Variants in CNOT10 observed in about 807,000 individuals in gnomAD.
The protein encoded by CNOT10 is CCR4-NOT transcription complex, subunit 10.
CNOT10 carries 30 observed loss-of-function variants against 94.6 expected under a neutral mutation model. The ratio of observed to expected loss-of-function variants is 0.32; its 90% CI spans 0.24 to 0.43. The LOEUF (loss-of-function observed/expected upper bound fraction) is 0.43, where lower values mean the gene tolerates loss of function less well. CNOT10 is among the 20% of genes least tolerant of loss of function. The pLI is 1.00. For synonymous variants in CNOT10, 289 were observed against 301.6 expected (o/e 0.96, Z 0.43); for missense variants, 759 against 877.2 (o/e 0.87, Z 1.70).
At position 32,717,162 on chromosome 3, in the gene CNOT10, A is replaced by G. The variant is rs759979111; in HGVS notation, c.669A>G (p.Val223=). 1.9e-6 allele frequency: 3 copies of G among 1,597,612 alleles called. No individual in the cohort carries two copies. Among genetic ancestry groups the G allele is most frequent in the Non-Finnish European group, 2.6e-6 (3 of 1,167,990 alleles). Residue 223 remains valine, a synonymous_variant, in exon 7 of 19, where the codon GTA becomes GTG. Transcript: ENST00000328834. ...AAKSKIHQYK[V]RAYIQMKSLK... ...CATTTTCCCTTTGACAGTACAAAGT[A>G]CGAGCTTATATCCAAATGAAGTCTC...
intron 18 of CNOT10, among the ~76,000 whole-genome samples, chr3:32,772,965 AAGC>A (rs534009652): frequency 0.029 from 4,345 of 152,258 alleles, 111 homozygotes; most frequent in East Asian, 0.11. Flanking sequence ...TCCCAGGTTC[AAGC>A]AGCCCTCCTG....
intron 1 of CNOT10, among the ~76,000 whole-genome samples, chr3:32,685,771 C>T (rs1696568720): frequency 6.6e-6 from 1 of 152,148 alleles, no homozygotes; most frequent in African/African-American, 2.4e-5. Context: ...TGCCGCTTCG[C>T]AGAATTTTCC....
rs778149139 is a variant in CNOT10, at chr3:32,725,524, A to C, written c.937A>C (p.Ile313Leu). The change falls in exon 9 of 19, where the codon ATA becomes CTA. Residue 313 changes from isoleucine to leucine, a missense_variant. Around this residue, in one of 3 missense-constraint regions of CNOT10, gnomAD observed 682 missense variants for 799.4 expected, o/e 0.85. Coordinates refer to ENST00000328834, the MANE Select transcript of CNOT10 (RefSeq NM_015442.3). The stretch of plus-strand genomic sequence containing the variant: ...TGCCATGAGCAAGCACAATTTGGGA[A>C]TATTCTACTTTAAAAAGGCTCTGCA... The part of the protein sequence containing the change: ...HFAMSKHNLG[I>L]FYFKKALQEN... 2 of 1,614,058 alleles carry C rather than the reference A, an allele frequency of 1.2e-6. No individual in the cohort carries two copies. Among genetic ancestry groups the C allele is most frequent in the Non-Finnish European group, 1.7e-6 (2 of 1,179,900 alleles).
At position 32,747,634 on chromosome 3, in the gene CNOT10, G is replaced by A. The variant is rs111626995; in HGVS notation, c.1595+10144G>A. 2.6e-3 allele frequency among the ~76,000 whole-genome samples: 390 copies of A among 150,020 alleles called. 3 individuals are homozygous for A. The highest frequency in any genetic ancestry group is 8.9e-3 in the African/African-American group (363 of 40,780). On this transcript the variant is annotated intron_variant, in intron 13 of 18. Transcript: ENST00000328834. ...TTCTGGCCTCAAGCAATTCTCCCAC[G>A]TCAGCCTCCTGGATAACTAAGACCA...
chr3:32,738,684 G>A (rs77820578), intron 13 of CNOT10, among the ~76,000 whole-genome samples: 5 of 151,804 alleles, frequency 3.3e-5, no homozygotes, highest in African/African-American at 1.2e-4. Context: ...GGATGGTCTC[G>A]ATCTCCTGAC....
intron 14 of CNOT10, among the ~76,000 whole-genome samples, chr3:32,761,855 T>C (rs1341571251): frequency 7.1e-6 from 1 of 141,382 alleles, no homozygotes; most frequent in Non-Finnish European, 1.6e-5. Flanking sequence ...TCATCACAGC[T>C]TCCATCTCCC....
chr3:32,716,244 A>G lies in CNOT10; in HGVS notation c.593A>G (p.Lys198Arg), dbSNP rs1258721038. 5 of 1,597,042 alleles carry G rather than the reference A, an allele frequency of 3.1e-6. No individual in the cohort carries two copies. The Admixed American group carries it at 8.7e-5, about 28-fold the overall frequency. Residue 198 changes from lysine (K) to arginine (R), a missense_variant, in exon 6 of 19, where the codon AAA becomes AGA. Coordinates refer to ENST00000328834, the MANE Select transcript of CNOT10 (RefSeq NM_015442.3). ...CTACAGACTGGTAATAACAACAACA[A>G]AGATGGATCTAATCATAAAGCTGAA... ...GKNETGNNNNKDGSNHKAESG... is the reference protein window; with the variant it reads ...GKNETGNNNNRDGSNHKAESG...
In CNOT10 at chr3:32,734,844, C is replaced by T. The variant is rs1699109004; in HGVS notation, c.1382C>T (p.Ala461Val). Residue 461 changes from alanine to valine, a missense_variant, in exon 12 of 19, where the codon GCA becomes GTA. Around this residue, in one of 3 missense-constraint regions of CNOT10, gnomAD observed 682 missense variants for 799.4 expected, o/e 0.85. Transcript: ENST00000328834. Reference protein sequence around the residue: ...SAIPVASMEFAAICLRNALLL... With the variant: ...SAIPVASMEFVAICLRNALLL... ...ATTCCTGTAGCCAGTATGGAGTTTG[C>T]AGCCATATGTCTCAGAAATGCCTTG... is the stretch of plus-strand genomic sequence containing the variant. 6.2e-7 allele frequency: 1 copy of T among 1,613,728 alleles called. No individual in the cohort carries two copies. Among genetic ancestry groups the T allele is most frequent in the South Asian group, 1.1e-5 (1 of 91,056 alleles).
chr3:32,734,287 C>T (rs545879259), intron 11 of CNOT10, among the ~76,000 whole-genome samples: 7 of 152,208 alleles, frequency 4.6e-5, no homozygotes, highest in Non-Finnish European at 5.9e-5. Context: ...TAAAGATTCT[C>T]TTTGGGTATA....
chr3:32,723,768 A>G lies in CNOT10; in HGVS notation c.863-1682A>G, dbSNP rs557530382. 1.5e-4 allele frequency among the ~76,000 whole-genome samples: 23 copies of G among 152,308 alleles called. No homozygotes were observed. In the East Asian group the frequency reaches 3.1e-3, roughly 20 times the overall value. ...GTAAAACAACTAGTAACCAACAGAA[A>G]AAACATCTGTAACCAAATAAAGCAA... On this transcript the variant is annotated intron_variant, in intron 8 of 18. Transcript: ENST00000328834.
At chr3:32,728,194 C>T (rs999753230) in intron 10 of CNOT10, among the ~76,000 whole-genome samples, 9 of 151,800 alleles carry the variant, frequency 5.9e-5, no homozygotes, top group African/African-American at 2.2e-4. Flanking sequence ...CGAGGTTTCA[C>T]CATGTTGCCC....
chr3:32,685,307 G>C lies in CNOT10; in HGVS notation c.-154G>C. 5.4e-6 allele frequency: 4 copies of C among 745,184 alleles called. No homozygotes were observed. The highest frequency in any genetic ancestry group is 6.6e-6 in the Non-Finnish European group (3 of 453,724). The allele number at this position is 745,184 out of a possible 1,614,324, so 46.2% of individuals were successfully genotyped here. ...GGAACTAGCTCTCGTCACTTCCTCA[G>C]CCCGCCGTCTGCCCACTCCTCTAGC... On this transcript the variant is annotated 5_prime_UTR_variant, in exon 1 of 19. Transcript: ENST00000328834.
At chr3:32,731,391 C>T (rs1698947471) in intron 10 of CNOT10, among the ~76,000 whole-genome samples, 1 of 152,092 alleles carries the variant, frequency 6.6e-6, no homozygotes, top group Non-Finnish European at 1.5e-5. Flanking sequence ...TGATTGACTC[C>T]GGTTTGTTCT....
chr3:32,754,489 A>AATAT lies in CNOT10; in HGVS notation c.1596-4966_1596-4965insTATA, dbSNP rs1553637888. 5.3e-4 allele frequency among the ~76,000 whole-genome samples: 37 copies of AATAT among 70,208 alleles called. 1 individual carries two copies. The highest frequency in any genetic ancestry group is 1.9e-3 in the African/African-American group (25 of 13,044). The allele number at this position is 70,208 out of a possible 152,430, so 46.1% of individuals were successfully genotyped here. ...AAGACTCCGTCTCAAAAAAAAAAAA[A>AATAT]ATACATATATATATATATATTTATT... is the stretch of plus-strand genomic sequence containing the variant. On this transcript the variant is annotated intron_variant, in intron 13 of 18. Transcript: ENST00000328834.
intron 1 of CNOT10, among the ~76,000 whole-genome samples, chr3:32,686,753 C>T (rs546672746): frequency 3.9e-4 from 59 of 152,312 alleles, no homozygotes; most frequent in African/African-American, 1.3e-3. Flanking sequence ...TGTCTGTGTT[C>T]CCCACATTTA....
In CNOT10 at chr3:32,757,925, A is replaced by G. The variant is rs576786962; in HGVS notation, c.1596-1533A>G. Reference sequence around the variant, plus strand: ...CAGATTTAAAATTACATACTCAGGGACAAAATATAAACTTATGTTTGGATT... The same window carrying G: ...CAGATTTAAAATTACATACTCAGGGGCAAAATATAAACTTATGTTTGGATT... On this transcript the variant is annotated intron_variant, in intron 13 of 18. Coordinates refer to ENST00000328834, the MANE Select transcript of CNOT10 (RefSeq NM_015442.3). 6.6e-5 allele frequency among the ~76,000 whole-genome samples: 10 copies of G among 152,356 alleles called. No homozygotes were observed. The South Asian group carries it at 1.7e-3, about 25-fold the overall frequency.
chr3:32,690,407 CAG>C lies in CNOT10; in HGVS notation c.22+4926_22+4927del, dbSNP rs536467799. 1.6e-3 allele frequency among the ~76,000 whole-genome samples: 244 copies of C among 152,188 alleles called. 1 individual carries two copies. The highest frequency in any genetic ancestry group is 5.7e-3 in the African/African-American group (237 of 41,516). ...TTTTTTGTTTTGTTTTGTTTTGAGA[CAG>C]GGTCTCACTCTTTCACCCATGTTGG... On this transcript the variant is annotated intron_variant, in intron 1 of 18. Coordinates refer to ENST00000328834, the MANE Select transcript of CNOT10 (RefSeq NM_015442.3).
chr3:32,754,094 C>T (rs1700088519), intron 13 of CNOT10, among the ~76,000 whole-genome samples: 1 of 151,728 alleles, frequency 6.6e-6, no homozygotes, highest in South Asian at 2.1e-4. Flanking sequence ...GAGCAAAAAA[C>T]TCTGTCTCAA....
At chr3:32,685,722 C>T (rs1300409476) in intron 1 of CNOT10, among the ~76,000 whole-genome samples, 3 of 152,166 alleles carry the variant, frequency 2.0e-5, no homozygotes, top group Non-Finnish European at 4.4e-5. Flanking sequence ...TTGCCCTGCT[C>T]TTCAGAATAA....
Sources: gnomAD v4.1 joint callset for allele counts (sites outside exome capture counted in the v4.1 genomes callset) on GRCh38, gnomAD v4.1.1 for gene constraint, gnomAD v4.1.1 regional missense constraint, MANE v1.5 for transcripts, NCBI Gene and HGNC (gene_info 2026-07-23, HGNC 2026-07-21) for gene names.